The following OPA1 variants were observed in gnomAD, a reference collection of about 807,000 sequenced individuals.
OPA1 encodes OPA1 mitochondrial dynamin like GTPase, also known as dynamin-like GTPase OPA1, mitochondrial.
OPA1 carries 59 observed loss-of-function variants against 152.9 expected under a neutral mutation model. The observed-to-expected ratio is 0.39, with a 90% CI of 0.31 to 0.48. The LOEUF is 0.48. OPA1 is among the 20% of genes least tolerant of loss of function. OPA1 has a pLI of 0.96. For missense variants in OPA1, 1,008 were observed against 1,216.8 expected (o/e 0.83, Z 2.55); for synonymous variants, 400 against 389.9 (o/e 1.03, Z -0.31).
chr3:193,605,430 C>T (rs1042441695), intron 1 of OPA1, among the ~76,000 whole-genome samples: 2 of 152,096 alleles, frequency 1.3e-5, no homozygotes, highest in Non-Finnish European at 2.9e-5. Flanking sequence ...TTGGTGAGAG[C>T]CCTTAAATTG....
chr3:193,656,317 C>T (rs997558909), intron 22 of OPA1, among the ~76,000 whole-genome samples: 1 of 152,036 alleles, frequency 6.6e-6, no homozygotes, highest in African/African-American at 2.4e-5. Flanking sequence ...TAATACTCAC[C>T]CCACCACTCA....
intron 25 of OPA1, among the ~76,000 whole-genome samples, chr3:193,662,321 T>C (rs946401731): frequency 5.9e-5 from 9 of 152,178 alleles, no homozygotes; most frequent in Admixed American, 2.0e-4. Flanking sequence ...AAAAGCTTTT[T>C]AAAAATCAAG....
intron 1 of OPA1, among the ~76,000 whole-genome samples, chr3:193,613,333 A>C (rs1378528811): frequency 6.7e-6 from 1 of 150,124 alleles, no homozygotes; most frequent in South Asian, 2.1e-4. Context: ...TTCTCAGGCC[A>C]TATTTAGTTT....
chr3:193,606,240 A>G (rs967170023), intron 1 of OPA1, among the ~76,000 whole-genome samples: 1 of 152,098 alleles, frequency 6.6e-6, no homozygotes, highest in Non-Finnish European at 1.5e-5. Flanking sequence ...TATAATTTTA[A>G]AAATATTTTC....
At chr3:193,644,158 G>A (rs1213978095) in intron 16 of OPA1, 53 bp downstream of exon 16, 2 of 1,596,284 alleles carry the variant, frequency 1.3e-6, no homozygotes, top group Non-Finnish European at 1.7e-6. Context: ...AGCTCCAGCT[G>A]TGATAGGGAT....
chr3:193,617,791 A>G lies in OPA1; in HGVS notation c.564A>G (p.Lys188=). 6.2e-7 allele frequency: 1 copy of G among 1,612,156 alleles called. No homozygotes were observed. Among genetic ancestry groups the G allele is most frequent in the Non-Finnish European group, 8.5e-7 (1 of 1,178,426 alleles). The change falls in exon 5 of 31, where the codon AAA becomes AAG. Residue 188 remains lysine (K), a synonymous_variant. Transcript: ENST00000361510. Reference sequence around the variant, plus strand: ...TTTGCTGATTTTTCACAGGTCACAAATTGGTTAGTGAAGTCATAGGAGCTT... The same window carrying G: ...TTTGCTGATTTTTCACAGGTCACAAGTTGGTTAGTGAAGTCATAGGAGCTT... ...LLKDFFTSGH[K]LVSEVIGASD...
At chr3:193,643,743 C>T (rs1170346893) in intron 15 of OPA1, 116 bp downstream of exon 15, 3 of 997,916 alleles carry the variant, frequency 3.0e-6, no homozygotes, top group South Asian at 3.0e-5. Flanking sequence ...TTTTTGCCTT[C>T]TCTTCGTATT....
At chr3:193,638,901 T>C (rs1733331946) in intron 11 of OPA1, among the ~76,000 whole-genome samples, 1 of 152,206 alleles carries the variant, frequency 6.6e-6, no homozygotes, top group Admixed American at 6.5e-5. Context: ...GGCAGAGTTA[T>C]GTTGGGGCAA....
At chr3:193,685,886 T>C (rs1443102642) in intron 29 of OPA1, among the ~76,000 whole-genome samples, 1 of 152,230 alleles carries the variant, frequency 6.6e-6, no homozygotes. Context: ...ATTTTATAGA[T>C]AAAGCTAGGA....
At chr3:193,648,209 G>A in intron 20 of OPA1, 75 bp downstream of exon 20, 1 of 1,145,630 alleles carries the variant, frequency 8.7e-7, no homozygotes, top group Non-Finnish European at 1.3e-6. Flanking sequence ...TATGTTGAGA[G>A]AAAAATCTGA....
chr3:193,651,291 T>C (rs1481287186), intron 21 of OPA1, among the ~76,000 whole-genome samples: 1 of 152,152 alleles, frequency 6.6e-6, no homozygotes, highest in African/African-American at 2.4e-5. Context: ...CAGTTGGCTT[T>C]TGCAATAATT....
rs757786063 is a variant in OPA1 at position 193,644,052 on chromosome 3, T to C, written c.1555T>C (p.Phe519Leu). The change falls in exon 16 of 31, where the codon TTC becomes CTC. Residue 519 changes from phenylalanine to leucine, a missense_variant. Transcript: ENST00000361510. Reference sequence around the variant, plus strand: ...GGACCCTCATGGAAGGAGAACCATATTCGTTTTGACCAAAGTAGACCTGGC... The same window carrying C: ...GGACCCTCATGGAAGGAGAACCATACTCGTTTTGACCAAAGTAGACCTGGC... ...QMDPHGRRTI[F>L]VLTKVDLAEK... The C allele has an allele frequency of 1.6e-5, 26 of 1,613,800 alleles. No homozygotes were observed. The highest frequency in any genetic ancestry group is 2.2e-5 in the Non-Finnish European group (26 of 1,179,866).
intron 22 of OPA1, 112 bp downstream of exon 22, chr3:193,655,139 T>A (rs1487144919): frequency 1.1e-6 from 1 of 937,558 alleles, no homozygotes; most frequent in Non-Finnish European, 1.7e-6. Flanking sequence ...TAGGTCTTTA[T>A]ATCTCATTTA....
intron 23 of OPA1, 40 bp from the exon 24 acceptor site, chr3:193,658,847 T>C: frequency 7.4e-7 from 1 of 1,360,044 alleles, no homozygotes. Context: ...AATGATGAGA[T>C]GTAAAACAAG....
intron 19 of OPA1, 141 bp from the exon 20 acceptor site, chr3:193,647,929 T>C (rs978232177): frequency 2.9e-6 from 2 of 682,676 alleles, no homozygotes; most frequent in African/African-American, 3.6e-5. Context: ...TTCTGAGACG[T>C]TGAGATCCCA....
At chr3:193,657,307 G>A in intron 23 of OPA1, 75 bp downstream of exon 23, 1 of 1,292,476 alleles carries the variant, frequency 7.7e-7, no homozygotes, top group Non-Finnish European at 1.1e-6. Context: ...TTTCATAGGA[G>A]ACTTTATATG....
chr3:193,603,614 A>G (rs1726785903), intron 1 of OPA1: 1 of 152,224 alleles, frequency 6.6e-6, no homozygotes. Context: ...CTCCAAAAGC[A>G]TGTCTACTAT....
At chr3:193,655,744 T>C (rs966002511) in intron 22 of OPA1, among the ~76,000 whole-genome samples, 1 of 152,214 alleles carries the variant, frequency 6.6e-6, no homozygotes, top group African/African-American at 2.4e-5. Context: ...CCTGCTGTTA[T>C]TATGGTCCTC....
chr3:193,659,416 A>G (rs1292397118), intron 24 of OPA1, 66 bp from the exon 25 acceptor site: 9 of 1,315,168 alleles, frequency 6.8e-6, no homozygotes, highest in Admixed American at 1.9e-5. Flanking sequence ...AAGCAAGACC[A>G]TTATTAGTTA....
Sources: allele counts gnomAD v4.1 joint callset (sites outside exome capture counted in the v4.1 genomes callset), GRCh38; gene constraint gnomAD v4.1.1; transcripts MANE v1.5; gene names NCBI Gene and HGNC (gene_info 2026-07-23, HGNC 2026-07-21).